Variants in SLC44A5 observed in about 807,000 individuals in gnomAD.
SLC44A5 encodes solute carrier family 44 member 5.
Under a neutral mutation model 101.8 loss-of-function variants are expected in SLC44A5, and 57 were observed. The ratio of observed to expected loss-of-function variants is 0.56; its 90% CI spans 0.45 to 0.70. The LOEUF is 0.70. SLC44A5 is among the 30% of genes least tolerant of loss of function. SLC44A5 has a pLI of 0.00. For missense variants in SLC44A5, 737 were observed against 853.1 expected, an observed-to-expected ratio of 0.86 and a Z score of 1.70; for synonymous variants, 281 against 290.9, an observed-to-expected ratio of 0.97 and a Z score of 0.35.
the SLC44A5 span, among the ~76,000 whole-genome samples, chr1:75,716,591 C>G: frequency 6.6e-6 from 1 of 152,154 alleles, no homozygotes; most frequent in Non-Finnish European, 1.5e-5. Context: ...ACAGAATTAC[C>G]AGAAATCCCA....
At chr1:75,660,246 C>T in the SLC44A5 span, among the ~76,000 whole-genome samples, 6,648 of 152,124 alleles carry the variant, frequency 0.044, 202 homozygotes, top group African/African-American at 0.091. Flanking sequence ...ATGATCATTT[C>T]AGTACATTCC....
chr1:75,611,117 GA>G (rs961323132), upstream of SLC44A5: 12 of 983,802 alleles, frequency 1.2e-5, no homozygotes, highest in Non-Finnish European at 1.3e-5. Context: ...TCACTACTGT[GA>G]AAAAAAAGCT....
chr1:75,685,302 G>T, the SLC44A5 span, among the ~76,000 whole-genome samples: 1 of 152,134 alleles, frequency 6.6e-6, no homozygotes, highest in South Asian at 2.1e-4. Flanking sequence ...TTTCCCCATT[G>T]TCTTGATGAT....
In SLC44A5 at chr1:75,202,364, A is replaced by C. The variant is rs1348784667; in HGVS notation, c.*1363T>G. Reference sequence around the variant, plus strand: ...TTAAACAAATGTGATAATATTTTATAAACTGATAGTAACTTACTGATGATT... The same window carrying C: ...TTAAACAAATGTGATAATATTTTATCAACTGATAGTAACTTACTGATGATT... On this transcript the variant is annotated 3_prime_UTR_variant, in exon 24 of 24. Transcript: ENST00000370859. 2.0e-5 allele frequency: 3 copies of C among 152,196 alleles called. No individual in the cohort carries two copies. The highest frequency in any genetic ancestry group is 4.4e-5 in the Non-Finnish European group (3 of 68,024). The allele number at this position is 152,196 out of a possible 1,614,324, so 9.4% of individuals were successfully genotyped here. A position where few individuals can be genotyped will look rare whatever the true frequency, so the allele number is the denominator to read the frequency against.
chr1:75,338,278 G>C (rs572502007), intron 4 of SLC44A5, among the ~76,000 whole-genome samples: 7 of 152,170 alleles, frequency 4.6e-5, no homozygotes, highest in Non-Finnish European at 8.8e-5. Flanking sequence ...GAACTACACG[G>C]TTCCGTCATT....
intron 2 of SLC44A5, among the ~76,000 whole-genome samples, chr1:75,448,265 C>T (rs552768008): frequency 6.6e-6 from 1 of 152,180 alleles, no homozygotes; most frequent in African/African-American, 2.4e-5. Context: ...TCTATCTTGT[C>T]CTAATGTTCA....
At chr1:75,628,008 T>C in the SLC44A5 span, among the ~76,000 whole-genome samples, 1 of 151,164 alleles carries the variant, frequency 6.6e-6, no homozygotes, top group African/African-American at 2.4e-5. Context: ...TTACAGCTAG[T>C]ACGTGGCGAA....
At chr1:75,312,653 C>A (rs1403316490) in intron 4 of SLC44A5, among the ~76,000 whole-genome samples, 1 of 150,558 alleles carries the variant, frequency 6.6e-6, no homozygotes, top group African/African-American at 2.4e-5. Context: ...AATTTCTATT[C>A]TATTATATAT....
chr1:75,517,750 T>C (rs192483381), intron 2 of SLC44A5, among the ~76,000 whole-genome samples: 363 of 152,304 alleles, frequency 2.4e-3, no homozygotes, highest in Middle Eastern at 6.8e-3. Flanking sequence ...AGAAAAAATA[T>C]TTCTTGAACA....
chr1:75,269,449 G>T (rs1570525323), intron 6 of SLC44A5, among the ~76,000 whole-genome samples: 2 of 151,748 alleles, frequency 1.3e-5, no homozygotes, highest in Non-Finnish European at 1.5e-5. Context: ...TCTGCTTTTG[G>T]TGTTATCTTT....
chr1:75,467,976 T>C (rs910480721), intron 2 of SLC44A5, among the ~76,000 whole-genome samples: 1 of 151,836 alleles, frequency 6.6e-6, no homozygotes, highest in Middle Eastern at 3.4e-3. Context: ...CTCAACTCTA[T>C]AGGAAAAAAA....
intron 2 of SLC44A5, among the ~76,000 whole-genome samples, chr1:75,464,932 T>TAATAGCTGG (rs143027880): frequency 0.098 from 14,889 of 152,110 alleles, 892 homozygotes; most frequent in Admixed American, 0.19. Context: ...CAATATACAA[T>TAATAGCTGG]AATAGCTGGA....
At chr1:75,584,922 T>G (rs1472855453) in intron 1 of SLC44A5, among the ~76,000 whole-genome samples, 2 of 152,144 alleles carry the variant, frequency 1.3e-5, no homozygotes, top group African/African-American at 2.4e-5. Flanking sequence ...CTAAGTAAAT[T>G]TAATGATCAG....
At chr1:75,446,714 T>C (rs931035234) in intron 2 of SLC44A5, among the ~76,000 whole-genome samples, 2 of 152,056 alleles carry the variant, frequency 1.3e-5, no homozygotes, top group Non-Finnish European at 2.9e-5. Flanking sequence ...CAAGCCCATT[T>C]CAATTGGCTT....
At chr1:75,463,010 T>C (rs77466710) in intron 2 of SLC44A5, among the ~76,000 whole-genome samples, 35,631 of 152,000 alleles carry the variant, frequency 0.23, 4,299 homozygotes, top group African/African-American at 0.27. Flanking sequence ...TTCCCAAACC[T>C]GGAGAAAGAT....
At chr1:75,222,936 C>T (rs1164525726) in intron 13 of SLC44A5, among the ~76,000 whole-genome samples, 1 of 152,156 alleles carries the variant, frequency 6.6e-6, no homozygotes, top group Non-Finnish European at 1.5e-5. Flanking sequence ...ACTCTTCGCA[C>T]TATGGGCACC....
chr1:75,661,570 C>A, the SLC44A5 span, among the ~76,000 whole-genome samples: 2 of 151,774 alleles, frequency 1.3e-5, no homozygotes, highest in Non-Finnish European at 2.9e-5. Context: ...AGTCAACAGA[C>A]AACCTACAGA....
intron 2 of SLC44A5, among the ~76,000 whole-genome samples, chr1:75,473,652 C>T (rs992461396): frequency 2.0e-5 from 3 of 152,194 alleles, no homozygotes; most frequent in Non-Finnish European, 4.4e-5. Context: ...TTACAGATGA[C>T]TTTCCCTATT....
intron 1 of SLC44A5, among the ~76,000 whole-genome samples, chr1:75,608,813 C>A (rs1043129001): frequency 3.3e-5 from 5 of 151,840 alleles, no homozygotes; most frequent in Non-Finnish European, 7.4e-5. Flanking sequence ...ATTGGTCCTA[C>A]CCTAACCACC....
Sources: gnomAD v4.1 joint callset for allele counts (sites outside exome capture counted in the v4.1 genomes callset) on GRCh38, gnomAD v4.1.1 for gene constraint, MANE v1.5 for transcripts, NCBI Gene and HGNC (gene_info 2026-07-23, HGNC 2026-07-21) for gene names.